The following MRRF variants were observed in gnomAD, a reference collection of about 807,000 sequenced individuals.
MRRF encodes the protein mitochondrial ribosome recycling factor.
Under a neutral mutation model 25.1 loss-of-function variants are expected in MRRF, and 18 were observed. The ratio of observed to expected loss-of-function variants is 0.72; its 90% CI spans 0.50 to 1.06. The LOEUF (loss-of-function observed/expected upper bound fraction) is 1.06. Ranked by LOEUF, MRRF falls within the 50% of genes least tolerant of loss-of-function variation. MRRF has a pLI of 0.00. For missense variants in MRRF, 323 were observed against 319.3 expected (o/e 1.01, Z -0.09); for synonymous variants, 113 against 112.1 (o/e 1.01, Z -0.05).
chr9:122,306,861 A>C (rs569774718), intron 5 of MRRF, among the ~76,000 whole-genome samples: 86 of 152,258 alleles, frequency 5.6e-4, no homozygotes, highest in Admixed American at 1.2e-3. Context: ...TGTATTTCAG[A>C]ATGGTATGTC....
chr9:122,325,179 CAGGG>C lies in MRRF; in HGVS notation c.*2566_*2569del, dbSNP rs1206393081. ...AACAAAAACTTATTTGGTGAACAGACAGGGAGGAAAATGAAAGATTTTCTGTACT... is the reference window on the plus strand; with the variant it reads ...AACAAAAACTTATTTGGTGAACAGACAGGAAAATGAAAGATTTTCTGTACT... On this transcript the variant is annotated 3_prime_UTR_variant, in exon 7 of 7. Coordinates refer to ENST00000344641, the MANE Select transcript of MRRF (RefSeq NM_138777.5). 2.0e-5 allele frequency: 3 copies of C among 152,142 alleles called. No homozygotes were observed. Among genetic ancestry groups the C allele is most frequent in the Non-Finnish European group, 4.4e-5 (3 of 68,036 alleles). 9.4% of individuals were successfully genotyped at this position (152,142 alleles called of 1,614,324 possible). A position where few individuals can be genotyped will look rare whatever the true frequency, so the allele number is the denominator to read the frequency against.
chr9:122,313,157 T>C, intron 5 of MRRF, 70 bp from the exon 6 acceptor site: 2 of 1,460,320 alleles, frequency 1.4e-6, no homozygotes, highest in Non-Finnish European at 1.9e-6. Flanking sequence ...GTTGACAGAG[T>C]GATGTTAAAT....
intron 4 of MRRF, among the ~76,000 whole-genome samples, chr9:122,288,904 C>A (rs905512549): frequency 1.3e-5 from 2 of 152,184 alleles, no homozygotes; most frequent in South Asian, 4.1e-4. Flanking sequence ...CACTCTACTC[C>A]AAGCAGCCAC....
intron 5 of MRRF, among the ~76,000 whole-genome samples, chr9:122,301,816 C>G (rs1389989385): frequency 1.3e-5 from 2 of 151,756 alleles, no homozygotes; most frequent in African/African-American, 2.4e-5. Flanking sequence ...TCACTGCAAC[C>G]TCCACCTCCC....
At chr9:122,285,612 A>G (rs558179469) in intron 4 of MRRF, 45 of 496,986 alleles carry the variant, frequency 9.1e-5, no homozygotes, top group African/African-American at 7.2e-4. Flanking sequence ...TGTGAGTGGA[A>G]TGCCTCTGCC....
chr9:122,277,632 C>T (rs1433290497), intron 2 of MRRF, among the ~76,000 whole-genome samples: 1 of 152,118 alleles, frequency 6.6e-6, no homozygotes, highest in Admixed American at 6.5e-5. Flanking sequence ...CTCACCGCAA[C>T]CTCCGCCTCT....
intron 2 of MRRF, among the ~76,000 whole-genome samples, chr9:122,271,811 T>G (rs560907550): frequency 1.3e-5 from 2 of 152,190 alleles, no homozygotes; most frequent in South Asian, 4.1e-4. Flanking sequence ...AAAGAATGAG[T>G]GATAGAAAAT....
chr9:122,273,432 C>T (rs933146174), intron 2 of MRRF, among the ~76,000 whole-genome samples: 6 of 146,230 alleles, frequency 4.1e-5, no homozygotes, highest in East Asian at 2.0e-4. Context: ...GACAGTGAGA[C>T]CCTGTCTCAA....
intron 3 of MRRF, among the ~76,000 whole-genome samples, chr9:122,280,946 C>T (rs1833064682): frequency 6.6e-6 from 1 of 152,188 alleles, no homozygotes; most frequent in African/African-American, 2.4e-5. Context: ...TGGAATTAGA[C>T]TCTCAGAAAA....
chr9:122,296,518 T>C (rs1834095034), intron 5 of MRRF, among the ~76,000 whole-genome samples: 1 of 152,188 alleles, frequency 6.6e-6, no homozygotes, highest in African/African-American at 2.4e-5. Context: ...CTGAAGCTCA[T>C]AGAAGTTGAT....
rs1408200129 is a variant in MRRF at position 122,294,697 on chromosome 9, A to G, written c.551+2857A>G. ...ATCGAGGTTTTTATTTGGTTTTAGC[A>G]GTGACTTCCATATGACTCTGGGCAC... On this transcript the variant is annotated intron_variant, in intron 5 of 6. Transcript: ENST00000344641. Among the ~76,000 whole-genome samples, 5 of 152,220 alleles carry G rather than the reference A, an allele frequency of 3.3e-5. No individual in the cohort carries two copies. In the East Asian group the frequency reaches 7.7e-4, roughly 23 times the overall value.
At chr9:122,301,760 G>A (rs1488611945) in intron 5 of MRRF, among the ~76,000 whole-genome samples, 2 of 150,166 alleles carry the variant, frequency 1.3e-5, no homozygotes, top group Non-Finnish European at 3.0e-5. Flanking sequence ...TTGAGATACA[G>A]TCTCTCTCTG....
chr9:122,272,870 G>A (rs1832544643), intron 2 of MRRF, among the ~76,000 whole-genome samples: 1 of 152,206 alleles, frequency 6.6e-6, no homozygotes, highest in East Asian at 1.9e-4. Context: ...ATAAGAAGTT[G>A]TGTCAAAATC....
intron 6 of MRRF, among the ~76,000 whole-genome samples, chr9:122,319,874 A>ATTTTTTT (rs975991164): frequency 7.7e-6 from 1 of 129,990 alleles, no homozygotes; most frequent in Non-Finnish European, 1.6e-5. Context: ...ATTTTCATTA[A>ATTTTTTT]TTTTTTTTTT....
intron 6 of MRRF, among the ~76,000 whole-genome samples, chr9:122,316,536 C>T (rs936147014): frequency 1.3e-5 from 2 of 152,070 alleles, no homozygotes; most frequent in Non-Finnish European, 2.9e-5. Flanking sequence ...AAGTTTGGAA[C>T]AGTAGAGAGC....
chr9:122,306,181 A>C (rs1834832907), intron 5 of MRRF, among the ~76,000 whole-genome samples: 1 of 152,200 alleles, frequency 6.6e-6, no homozygotes, highest in South Asian at 2.1e-4. Flanking sequence ...GATAACTTAA[A>C]ATAGTTTATT....
At chr9:122,318,078 G>C (rs1431040940) in intron 6 of MRRF, among the ~76,000 whole-genome samples, 1 of 152,166 alleles carries the variant, frequency 6.6e-6, no homozygotes, top group Non-Finnish European at 1.5e-5. Flanking sequence ...CAGAGCTGCA[G>C]TGAGCCGAAA....
rs1473116838 is a variant in MRRF at position 122,325,129 on chromosome 9, C to G, written c.*2512C>G. On this transcript the variant is annotated 3_prime_UTR_variant, in exon 7 of 7. Transcript: ENST00000344641. ...TCCAAAGGCATTTGGTTCTTAACAG[C>G]CAAATCCTCTGTAGTCTTTAAATAA... The G allele has an allele frequency of 6.6e-6, 1 of 152,164 alleles. No homozygotes were observed. Among genetic ancestry groups the G allele is most frequent in the African/African-American group, 2.4e-5 (1 of 41,438 alleles). The allele number at this position is 152,164 out of a possible 1,614,324, so 9.4% of individuals were successfully genotyped here. A position where few individuals can be genotyped will look rare whatever the true frequency, so the allele number is the denominator to read the frequency against.
chr9:122,298,641 G>A (rs942742686), intron 5 of MRRF, among the ~76,000 whole-genome samples: 6 of 152,100 alleles, frequency 3.9e-5, no homozygotes, highest in Non-Finnish European at 8.8e-5. Context: ...TAGGACATTC[G>A]TAAATTTACT....
Sources: allele counts gnomAD v4.1 joint callset (sites outside exome capture counted in the v4.1 genomes callset), GRCh38; gene constraint gnomAD v4.1.1; transcripts MANE v1.5; gene names NCBI Gene and HGNC (gene_info 2026-07-23, HGNC 2026-07-21).